The following ENOX1 variants were observed in gnomAD, a reference collection of about 807,000 sequenced individuals.
The protein encoded by ENOX1 is ecto-NOX disulfide-thiol exchanger 1.
In ENOX1, 42 loss-of-function variants were observed where a neutral mutation model predicts 82.5. The ratio of observed to expected loss-of-function variants is 0.51; its 90% CI spans 0.40 to 0.66. ENOX1 has a LOEUF of 0.66. Among genes scored for constraint, ENOX1 ranks in the 30% least tolerant of loss-of-function variants. The pLI, the probability that ENOX1 is intolerant of heterozygous loss-of-function variation, is 0.00. For synonymous variants in ENOX1, 271 were observed against 282.2 expected, an observed-to-expected ratio of 0.96 and a Z score of 0.40; for missense variants, 608 against 811.6, an observed-to-expected ratio of 0.75 and a Z score of 3.05.
chr13:43,245,494 A>C (rs1323220033), intron 14 of ENOX1, among the ~76,000 whole-genome samples: 1 of 152,252 alleles, frequency 6.6e-6, no homozygotes, highest in Non-Finnish European at 1.5e-5. Flanking sequence ...ATTGATGAGC[A>C]TGAGTGACTA....
At chr13:43,704,136 C>A (rs2087091330) in intron 1 of ENOX1, among the ~76,000 whole-genome samples, 1 of 151,726 alleles carries the variant, frequency 6.6e-6, no homozygotes, top group Non-Finnish European at 1.5e-5. Context: ...GAACTAGTGT[C>A]TTTTAAACAA....
intron 5 of ENOX1, among the ~76,000 whole-genome samples, chr13:43,368,181 T>C (rs2153565302): frequency 6.6e-6 from 1 of 152,314 alleles, no homozygotes; most frequent in South Asian, 2.1e-4. Context: ...AAGATGTGTA[T>C]CCAGAGTGAG....
rs577755454 is a variant in ENOX1, at chr13:43,667,392, T to C, written c.-219+87A>G. 8.7e-5 allele frequency: 76 copies of C among 871,104 alleles called. 1 individual carries two copies. In the South Asian group the frequency reaches 3.5e-3, roughly 40 times the overall value. 54.0% of individuals were successfully genotyped at this position (871,104 alleles called of 1,614,324 possible). The stretch of plus-strand genomic sequence containing the variant: ...AACTAAGACACACATTAGAGAATGA[T>C]GCCAGAGGTATAATTAAACTACATC... On this transcript the variant is annotated intron_variant, in intron 2 of 16. Coordinates refer to ENST00000690772, the MANE Select transcript of ENOX1 (RefSeq NM_001347969.2).
intron 12 of ENOX1, among the ~76,000 whole-genome samples, chr13:43,277,992 T>A (rs1267833145): frequency 6.6e-6 from 1 of 151,930 alleles, no homozygotes; most frequent in Non-Finnish European, 1.5e-5. Context: ...CCTGCCTTGG[T>A]GTAGGAGTTA....
At chr13:43,655,245 G>A (rs750685403) in intron 2 of ENOX1, among the ~76,000 whole-genome samples, 47 of 152,178 alleles carry the variant, frequency 3.1e-4, no homozygotes, top group Non-Finnish European at 5.0e-4. Flanking sequence ...TCTATGTTTC[G>A]CAAACTGTTC....
Position 43,446,877 on chromosome 13 carries a change from G to A in ENOX1, c.-74-33889C>T, listed in dbSNP as rs1204260864. ...AGTTTAGAATGATAGTCTCTGGTCA[G>A]TCCTGTCCTACCAGTCAAACCCTAA... On this transcript the variant is annotated intron_variant, in intron 3 of 16. Transcript: ENST00000690772. 3.9e-5 allele frequency among the ~76,000 whole-genome samples: 6 copies of A among 152,312 alleles called. No homozygotes were observed. In the East Asian group the frequency reaches 9.7e-4, roughly 25 times the overall value.
chr13:43,387,469 C>T (rs978980684), intron 5 of ENOX1, among the ~76,000 whole-genome samples: 33 of 152,050 alleles, frequency 2.2e-4, no homozygotes, highest in African/African-American at 7.7e-4. Flanking sequence ...TGGACAGAGC[C>T]TGGTGGGTAA....
intron 16 of ENOX1, among the ~76,000 whole-genome samples, chr13:43,214,793 A>G (rs2041381686): frequency 6.6e-6 from 1 of 152,220 alleles, no homozygotes; most frequent in Non-Finnish European, 1.5e-5. Flanking sequence ...CCTCTGCTCT[A>G]GCACAGTGAT....
At chr13:43,250,687 G>A (rs1010825032) in intron 14 of ENOX1, among the ~76,000 whole-genome samples, 2 of 152,106 alleles carry the variant, frequency 1.3e-5, no homozygotes, top group Non-Finnish European at 2.9e-5. Flanking sequence ...CATTTATTGA[G>A]TACCTACAAT....
At chr13:43,476,428 G>T (rs983859082) in intron 3 of ENOX1, among the ~76,000 whole-genome samples, 3 of 151,982 alleles carry the variant, frequency 2.0e-5, no homozygotes, top group African/African-American at 7.2e-5. Flanking sequence ...GAGACAAAAA[G>T]AAATTTTTTA....
chr13:43,435,008 A>T (rs2153616456), intron 3 of ENOX1, among the ~76,000 whole-genome samples: 1 of 103,442 alleles, frequency 9.7e-6, no homozygotes, highest in South Asian at 3.3e-4. Context: ...TTTCCTGGAT[A>T]TTTGTACACA....
At chr13:43,243,910 A>G (rs2042958894) in intron 14 of ENOX1, among the ~76,000 whole-genome samples, 1 of 152,000 alleles carries the variant, frequency 6.6e-6, no homozygotes, top group African/African-American at 2.4e-5. Context: ...ACACAGCACA[A>G]GTCCTGTATC....
At chr13:43,250,911 G>C (rs938496810) in intron 14 of ENOX1, among the ~76,000 whole-genome samples, 1 of 152,214 alleles carries the variant, frequency 6.6e-6, no homozygotes, top group Non-Finnish European at 1.5e-5. Flanking sequence ...GTGGCACCTA[G>C]CCTGTCCTGG....
At chr13:43,574,539 T>G (rs1379393524) in intron 2 of ENOX1, among the ~76,000 whole-genome samples, 1 of 152,206 alleles carries the variant, frequency 6.6e-6, no homozygotes, top group African/African-American at 2.4e-5. Context: ...TGGAAATGAT[T>G]TAATATGTGT....
At chr13:43,415,592 G>A (rs1427939233) in intron 3 of ENOX1, among the ~76,000 whole-genome samples, 3 of 152,164 alleles carry the variant, frequency 2.0e-5, no homozygotes, top group Non-Finnish European at 4.4e-5. Context: ...AGCATCCCAA[G>A]GCAGAAGAAT....
chr13:43,519,871 GC>G (rs762826613), intron 2 of ENOX1, among the ~76,000 whole-genome samples: 6 of 152,140 alleles, frequency 3.9e-5, no homozygotes, highest in Non-Finnish European at 7.3e-5. Context: ...TGCTCTCTAT[GC>G]CCTTGATTTA....
At chr13:43,471,742 G>A (rs552765265) in intron 3 of ENOX1, among the ~76,000 whole-genome samples, 9 of 151,684 alleles carry the variant, frequency 5.9e-5, no homozygotes, top group East Asian at 5.8e-4. Context: ...CCCAGGAGGC[G>A]GAGGTTGCAG....
At chr13:43,483,223 T>G (rs933431410) in intron 3 of ENOX1, among the ~76,000 whole-genome samples, 1 of 152,224 alleles carries the variant, frequency 6.6e-6, no homozygotes, top group Admixed American at 6.5e-5. Flanking sequence ...ATCCACTCAA[T>G]GTACCAAGCC....
chr13:43,384,269 C>A (rs1205903262), intron 5 of ENOX1, among the ~76,000 whole-genome samples: 1 of 152,206 alleles, frequency 6.6e-6, no homozygotes, highest in Non-Finnish European at 1.5e-5. Flanking sequence ...ACAGCAGCTA[C>A]TCTAAGCTGC....
Sources: gnomAD v4.1 joint callset for allele counts (sites outside exome capture counted in the v4.1 genomes callset) on GRCh38, gnomAD v4.1.1 for gene constraint, MANE v1.5 for transcripts, NCBI Gene and HGNC (gene_info 2026-07-23, HGNC 2026-07-21) for gene names.